ZNF236: variants seen among roughly 807,000 people sequenced by gnomAD.
ZNF236 encodes the protein zinc finger protein 236.
A neutral mutation model predicts 191.2 loss-of-function variants in ZNF236; 50 were observed. The observed-to-expected ratio is 0.26, with a 90% CI of 0.21 to 0.33. The LOEUF is 0.33. Ranked by LOEUF, ZNF236 falls within the 10% of genes least tolerant of loss-of-function variation. The probability of loss-of-function intolerance (pLI) is 1.00; values close to 1 mark genes in which losing one functional copy is unlikely to be tolerated. For synonymous variants in ZNF236, 907 were observed against 928.8 expected (o/e 0.98, Z 0.43); for missense variants, 1,754 against 2,374.5 (o/e 0.74, Z 5.43).
In ZNF236 at chr18:76,971,126, G is replaced by A. The variant is rs1362819374; in HGVS notation, c.*2787G>A. On this transcript the variant is annotated 3_prime_UTR_variant, in exon 31 of 31. Transcript: ENST00000320610. The stretch of plus-strand genomic sequence containing the variant: ...AATTGCCTTTGCAAAGATACCAAAC[G>A]TGAAGGTGGGGTGCAGGTACTGAGG... Among the ~76,000 whole-genome samples the A allele has an allele frequency of 3.3e-5, 5 of 152,246 alleles. No individual in the cohort carries two copies. The highest frequency in any genetic ancestry group is 1.3e-4 in the Admixed American group (2 of 15,284).
chr18:76,889,180 C>T (rs899567864), intron 9 of ZNF236, among the ~76,000 whole-genome samples: 1 of 152,232 alleles, frequency 6.6e-6, no homozygotes, highest in Non-Finnish European at 1.5e-5. Flanking sequence ...AGGCCGTGTC[C>T]TTCTTGGCAA....
rs10524379 is a variant in ZNF236 at position 76,908,963 on chromosome 18, CTGTGTGTGTGTGTGTGTG to C, written c.2551+416_2551+433del. ...CAGGGGTGTGTGTGTATGTGTGTGT[CTGTGTGTGTGTGTGTGTG>C]TGTGTGTGTGTGTGTGTGTGTGTGT... On this transcript the variant is annotated intron_variant, in intron 14 of 30. Coordinates refer to ENST00000320610, the MANE Select transcript of ZNF236 (RefSeq NM_001306089.2). 6.2e-4 allele frequency among the ~76,000 whole-genome samples: 91 copies of C among 147,222 alleles called. 2 individuals are homozygous for C. The highest frequency in any genetic ancestry group is 6.8e-3 in the Middle Eastern group (2 of 294).
chr18:76,901,937 G>A (rs1357250447), intron 11 of ZNF236, among the ~76,000 whole-genome samples: 3 of 152,124 alleles, frequency 2.0e-5, no homozygotes, highest in South Asian at 2.1e-4. Flanking sequence ...GCAACAGACC[G>A]GTTTCTTCTT....
intron 27 of ZNF236, among the ~76,000 whole-genome samples, chr18:76,950,064 G>A (rs1157561501): frequency 6.6e-6 from 1 of 152,106 alleles, no homozygotes; most frequent in Non-Finnish European, 1.5e-5. Context: ...CTTTTTGCTG[G>A]TTGAGGGTCT....
Position 76,937,162 on chromosome 18 carries a change from A to C in ZNF236, c.4601A>C (p.Asn1534Thr), listed in dbSNP as rs1362049153. Residue 1534 changes from asparagine (N) to threonine (T), a missense_variant, in exon 26 of 31, where the codon AAC (asparagine) becomes ACC (threonine). Asn to Thr is a moderately conservative substitution (Grantham distance 65, BLOSUM62 0). Coordinates refer to ENST00000320610, the MANE Select transcript of ZNF236 (RefSeq NM_001306089.2). ...TACTTTGCCTCTTTTGTAGAACTTAACACTACAAGCGGAAGCCTTCCTTCA... is the reference window on the plus strand; with the variant it reads ...TACTTTGCCTCTTTTGTAGAACTTACCACTACAAGCGGAAGCCTTCCTTCA... ...QEITLTISEL[N>T]TTSGSLPSTT... 7 of 1,613,670 alleles carry C rather than the reference A, an allele frequency of 4.3e-6. No individual in the cohort carries two copies. Among genetic ancestry groups the C allele is most frequent in the Non-Finnish European group, 5.9e-6 (7 of 1,179,632 alleles).
At chr18:76,831,577 TGG>T (rs1568184893) in intron 1 of ZNF236, among the ~76,000 whole-genome samples, 1 of 152,190 alleles carries the variant, frequency 6.6e-6, no homozygotes, top group Non-Finnish European at 1.5e-5. Flanking sequence ...CTGGGTTGTA[TGG>T]GAAAACTATG....
chr18:76,846,405 C>T (rs1042391359), intron 1 of ZNF236, among the ~76,000 whole-genome samples: 7 of 152,164 alleles, frequency 4.6e-5, no homozygotes, highest in Non-Finnish European at 1.0e-4. Context: ...GGAAAGCAAG[C>T]GAAGTGGGGG....
Position 76,968,342 on chromosome 18 carries a change from C to T in ZNF236, c.*3C>T, listed in dbSNP as rs765702259. ...AGGCCCTCACCCACGTCTTCTGATGCGAGTTGGAAGTACACCTTTAAGAAT... is the reference window on the plus strand; with the variant it reads ...AGGCCCTCACCCACGTCTTCTGATGTGAGTTGGAAGTACACCTTTAAGAAT... On this transcript the variant is annotated 3_prime_UTR_variant, in exon 31 of 31. Coordinates refer to ENST00000320610, the MANE Select transcript of ZNF236 (RefSeq NM_001306089.2). The T allele has an allele frequency of 3.7e-6, 6 of 1,604,892 alleles. No individual in the cohort carries two copies. Among genetic ancestry groups the T allele is most frequent in the Admixed American group, 1.7e-5 (1 of 57,198 alleles).
intron 1 of ZNF236, chr18:76,840,974 C>A (rs1975478945): frequency 6.7e-6 from 1 of 148,796 alleles, no homozygotes; most frequent in African/African-American, 2.5e-5. Flanking sequence ...GCACGCACCA[C>A]CATGCCCAGG....
intron 3 of ZNF236, 58 bp downstream of exon 3, chr18:76,851,997 A>G: frequency 6.7e-7 from 1 of 1,498,748 alleles, no homozygotes; most frequent in Non-Finnish European, 9.0e-7. Flanking sequence ...ACATCTGATC[A>G]TGAGTCAGGA....
chr18:76,826,362 G>A (rs1413098665), intron 1 of ZNF236, among the ~76,000 whole-genome samples: 1 of 144,876 alleles, frequency 6.9e-6, no homozygotes, highest in African/African-American at 2.5e-5. Flanking sequence ...GACCTCAAAT[G>A]ATCCGCCCGC....
At chr18:76,896,571 CAGTACTGCACACA>C (rs532294453) in intron 10 of ZNF236, among the ~76,000 whole-genome samples, 2 of 150,422 alleles carry the variant, frequency 1.3e-5, no homozygotes, top group Non-Finnish European at 3.0e-5. Context: ...GTACCAAGCA[CAGTACTGCACACA>C]AGTACTGCAC....
intron 30 of ZNF236, among the ~76,000 whole-genome samples, chr18:76,964,252 G>A (rs1968724443): frequency 1.3e-5 from 2 of 152,036 alleles, no homozygotes; most frequent in African/African-American, 4.8e-5. Context: ...GGTTATGATA[G>A]GTTATGTCAC....
chr18:76,880,166 G>A lies in ZNF236; in HGVS notation c.1038G>A (p.Ser346=), dbSNP rs780384809. 6.8e-6 allele frequency: 11 copies of A among 1,613,844 alleles called. No homozygotes were observed. The South Asian group carries it at 9.9e-5, about 14-fold the overall frequency. The change falls in exon 8 of 31, where the codon TCG becomes TCA. Residue 346 remains serine, a synonymous_variant. Transcript: ENST00000320610. The surrounding 1 kb of genome is among the most constrained non-coding windows in gnomAD (Gnocchi z 5.0). ...PLQQTEAQAT[S]ASSQPSSQAV... is the part of the protein sequence containing the mutation. The stretch of plus-strand genomic sequence containing the variant: ...AACAGACGGAAGCCCAAGCCACGTC[G>A]GCCTCAAGCCAGCCGAGCTCCCAGG...
chr18:76,859,651 T>C (rs1202551166), intron 3 of ZNF236, among the ~76,000 whole-genome samples: 1 of 152,186 alleles, frequency 6.6e-6, no homozygotes, highest in East Asian at 1.9e-4. Flanking sequence ...AGACATGATG[T>C]TATTGAAACT....
chr18:76,936,752 G>A (rs996233050), intron 25 of ZNF236, among the ~76,000 whole-genome samples: 4 of 149,430 alleles, frequency 2.7e-5, no homozygotes, highest in Non-Finnish European at 6.0e-5. Context: ...GGTAAGCTCC[G>A]GAAGTAGCTA....
chr18:76,910,583 T>G (rs1290919655), intron 15 of ZNF236, 77 bp from the exon 16 acceptor site: 4 of 1,436,930 alleles, frequency 2.8e-6, no homozygotes, highest in South Asian at 2.6e-5. Context: ...ACATTTTAAA[T>G]TTATAAACCT....
At chr18:76,879,423 G>A (rs985805688) in intron 7 of ZNF236, among the ~76,000 whole-genome samples, 1 of 152,140 alleles carries the variant, frequency 6.6e-6, no homozygotes, top group African/African-American at 2.4e-5. Context: ...ACTGGTGAAC[G>A]AATGTGGATA....
At chr18:76,944,061 G>A (rs1195532730) in intron 26 of ZNF236, among the ~76,000 whole-genome samples, 2 of 152,172 alleles carry the variant, frequency 1.3e-5, no homozygotes, top group Non-Finnish European at 2.9e-5. Context: ...ATATTTTACA[G>A]CATTTCCCAG....
Sources: gnomAD v4.1 joint callset for allele counts (sites outside exome capture counted in the v4.1 genomes callset) on GRCh38, gnomAD v4.1.1 for gene constraint, Gnocchi (gnomAD v3.1) non-coding constraint, MANE v1.5 for transcripts, NCBI Gene and HGNC (gene_info 2026-07-23, HGNC 2026-07-21) for gene names.